HMCN1: variants seen among roughly 807,000 people sequenced by gnomAD.
HMCN1 encodes the protein hemicentin-1.
A neutral mutation model predicts 625.9 loss-of-function variants in HMCN1; 321 were observed. The ratio of observed to expected loss-of-function variants is 0.51; its 90% CI spans 0.47 to 0.56. The LOEUF is 0.56. HMCN1 is among the 20% of genes least tolerant of loss of function. The pLI is 0.00. For missense variants in HMCN1, 6,588 were observed against 6,887.3 expected (o/e 0.96, Z 1.54); for synonymous variants, 2,425 against 2,417.6 (o/e 1.00, Z -0.09).
At chr1:185,877,317 CTTTCTTTTT>C (rs1664008877) in intron 4 of HMCN1, among the ~76,000 whole-genome samples, 3 of 42,720 alleles carry the variant, frequency 7.0e-5, no homozygotes, top group African/African-American at 2.3e-4. Flanking sequence ...ATCTATGTGT[CTTTCTTTTT>C]TTTTTTTTTT....
chr1:185,838,478 A>G (rs2102303799), intron 1 of HMCN1, among the ~76,000 whole-genome samples: 1 of 152,136 alleles, frequency 6.6e-6, no homozygotes, highest in Middle Eastern at 3.4e-3. Flanking sequence ...GTTCCCATAT[A>G]CAGATTCCTA....
intron 2 of HMCN1, among the ~76,000 whole-genome samples, chr1:185,859,097 T>C (rs1233194978): frequency 6.7e-6 from 1 of 149,106 alleles, no homozygotes; most frequent in African/African-American, 2.5e-5. Flanking sequence ...GATATATGTG[T>C]GTGTATATAT....
chr1:186,072,427 T>C (rs1216416298), intron 52 of HMCN1, among the ~76,000 whole-genome samples: 1 of 152,194 alleles, frequency 6.6e-6, no homozygotes, highest in Non-Finnish European at 1.5e-5. Flanking sequence ...GTTGAACATC[T>C]ACTATTTGTC....
At chr1:186,141,859 C>T (rs1308231150) in intron 89 of HMCN1, among the ~76,000 whole-genome samples, 1 of 152,190 alleles carries the variant, frequency 6.6e-6, no homozygotes, top group Non-Finnish European at 1.5e-5. Context: ...GTTATTCAAG[C>T]CCAGAGTGTC....
intron 1 of HMCN1, among the ~76,000 whole-genome samples, chr1:185,789,369 T>C (rs186920568): frequency 4.6e-5 from 7 of 152,218 alleles, no homozygotes; most frequent in African/African-American, 1.7e-4. Context: ...TTCAGGGAGG[T>C]TTAACATGAC....
intron 34 of HMCN1, among the ~76,000 whole-genome samples, chr1:186,019,297 G>A (rs374820959): frequency 6.6e-6 from 1 of 152,032 alleles, no homozygotes; most frequent in Non-Finnish European, 1.5e-5. Flanking sequence ...GTGGATTACG[G>A]TAGCCATAAA....
intron 100 of HMCN1, among the ~76,000 whole-genome samples, chr1:186,170,279 A>AG (rs1652142235): frequency 6.6e-6 from 1 of 152,188 alleles, no homozygotes; most frequent in South Asian, 2.1e-4. Flanking sequence ...AGAGTATTGA[A>AG]GGGAGATACC....
intron 1 of HMCN1, among the ~76,000 whole-genome samples, chr1:185,837,867 G>T (rs183212712): frequency 6.6e-6 from 1 of 152,196 alleles, no homozygotes; most frequent in Admixed American, 6.5e-5. Context: ...CAGGAAACAG[G>T]AATTGTGTAA....
At chr1:185,807,688 C>T (rs1455475319) in intron 1 of HMCN1, among the ~76,000 whole-genome samples, 5 of 152,054 alleles carry the variant, frequency 3.3e-5, no homozygotes. Flanking sequence ...GAGAATAAGC[C>T]TTGCATTCTT....
intron 22 of HMCN1, among the ~76,000 whole-genome samples, chr1:185,992,497 A>G (rs75870772): frequency 0.012 from 1,840 of 152,246 alleles, 38 homozygotes; most frequent in African/African-American, 0.037. Flanking sequence ...GCCCGACATC[A>G]CTTTGAATAG....
At position 186,037,976 on chromosome 1, in the gene HMCN1, C is replaced by T; in HGVS notation, c.5792C>T (p.Thr1931Ile). 1 of 1,613,332 alleles carries T rather than the reference C, an allele frequency of 6.2e-7. No individual in the cohort carries two copies. Among genetic ancestry groups the T allele is most frequent in the Non-Finnish European group, 8.5e-7 (1 of 1,179,440 alleles). The change falls in exon 37 of 107, where the codon ACT (threonine) becomes ATT (isoleucine). Residue 1931 changes from threonine to isoleucine, a missense_variant. Physicochemically the swap from Thr to Ile is moderately conservative, Grantham distance 89. This residue lies in a region of HMCN1 where 4,628 missense variants were observed against 4,853.1 expected (regional missense o/e 0.95). Coordinates refer to ENST00000271588, the MANE Select transcript of HMCN1 (RefSeq NM_031935.3). ...LEDAGKMLNETVLVSNPVQLE... is the reference protein window; with the variant it reads ...LEDAGKMLNEIVLVSNPVQLE... The stretch of plus-strand genomic sequence containing the variant: ...GATGCTGGAAAAATGCTGAATGAGA[C>T]TGTGTTGGTGAGCAACCCTGTACAG...
chr1:185,822,911 A>T (rs1660280896), intron 1 of HMCN1, among the ~76,000 whole-genome samples: 1 of 152,114 alleles, frequency 6.6e-6, no homozygotes, highest in African/African-American at 2.4e-5. Flanking sequence ...TAGAAACTAT[A>T]TAAAATATAA....
In HMCN1 at chr1:186,067,842, A is replaced by G. The variant is rs201878929; in HGVS notation, c.7714A>G (p.Thr2572Ala). 8.1e-5 allele frequency: 130 copies of G among 1,608,372 alleles called. 1 individual carries two copies. The Middle Eastern group carries it at 9.9e-4, about 12-fold the overall frequency. Residue 2572 changes from threonine (T) to alanine (A), a missense_variant, in exon 50 of 107, where the codon ACA becomes GCA. Coordinates refer to ENST00000271588, the MANE Select transcript of HMCN1 (RefSeq NM_031935.3). ...ATTTTCATCTTTTTCAGTATCTCCT[A>G]CAATTGCTGGTGTAGGTAGTGATGG... ...SFSLNVFVSP[T>A]IAGVGSDGNP...
chr1:185,778,345 A>G (rs922988), intron 1 of HMCN1, among the ~76,000 whole-genome samples: 2 of 139,496 alleles, frequency 1.4e-5, no homozygotes, highest in Admixed American at 1.4e-4. Context: ...TTTCTCTTTC[A>G]TTTTTTTTTT....
chr1:186,087,206 T>C lies in HMCN1; in HGVS notation c.9047-11T>C. On this transcript the variant is annotated splice_polypyrimidine_tract_variant and intron_variant, in intron 58 of 106. Transcript: ENST00000271588. ...ATACCACTCTACAATTTGCATTCTA[T>C]TTACCTACAGGTGGTCGAACTCTAC... 6.4e-7 allele frequency: 1 copy of C among 1,562,962 alleles called. No homozygotes were observed. Among genetic ancestry groups the C allele is most frequent in the African/African-American group, 1.4e-5 (1 of 73,882 alleles).
In HMCN1 at chr1:186,141,185, C is replaced by T. The variant is rs567466844; in HGVS notation, c.13925-2988C>T. The stretch of plus-strand genomic sequence containing the variant: ...GAATCTAATGCCACTGCTGATCTGA[C>T]AGGAGACGGAGTTCGTGGTAATGTT... On this transcript the variant is annotated intron_variant, in intron 89 of 106. Coordinates refer to ENST00000271588, the MANE Select transcript of HMCN1 (RefSeq NM_031935.3). Among the ~76,000 whole-genome samples, 4 of 152,266 alleles carry T rather than the reference C, an allele frequency of 2.6e-5. No individual in the cohort carries two copies. In the South Asian group the frequency reaches 6.2e-4, roughly 24 times the overall value.
In HMCN1 at chr1:185,977,953, A is replaced by G. The variant is rs761562885; in HGVS notation, c.2538A>G (p.Gln846=). The G allele has an allele frequency of 2.5e-6, 4 of 1,613,044 alleles. No individual in the cohort carries two copies. Among genetic ancestry groups the G allele is most frequent in the African/African-American group, 2.7e-5 (2 of 74,988 alleles). Reference sequence around the variant, plus strand: ...CTTTTTCAGTTAGTTCCATCAGCCAACTAAGAACAGGAGCTCTCTTTATTT... The same window carrying G: ...CTTTTTCAGTTAGTTCCATCAGCCAGCTAAGAACAGGAGCTCTCTTTATTT... ...SRPFSVSSIS[Q]LRTGALFILN... Residue 846 remains glutamine, a synonymous_variant, in exon 16 of 107, where the codon CAA becomes CAG. Transcript: ENST00000271588.
At position 186,068,098 on chromosome 1, in the gene HMCN1, C is replaced by T. The variant is rs1658243114; in HGVS notation, c.7879+91C>T. 6.6e-6 allele frequency: 8 copies of T among 1,211,010 alleles called. No homozygotes were observed. In the East Asian group the frequency reaches 1.9e-4, roughly 29 times the overall value. The allele number at this position is 1,211,010 out of a possible 1,614,324, so 75.0% of individuals were successfully genotyped here. A position where few individuals can be genotyped will look rare whatever the true frequency, so the allele number is the denominator to read the frequency against. The stretch of plus-strand genomic sequence containing the variant: ...CATTGGTTACTTTTTATAAAAACAC[C>T]AATGTTTTGTTGGTTGTGTTATGTT... On this transcript the variant is annotated intron_variant, in intron 50 of 106. Coordinates refer to ENST00000271588, the MANE Select transcript of HMCN1 (RefSeq NM_031935.3).
intron 8 of HMCN1, 95 bp from the exon 9 acceptor site, chr1:185,924,948 TTAAG>T: frequency 9.7e-7 from 1 of 1,035,366 alleles, no homozygotes; most frequent in Non-Finnish European, 1.5e-6. Context: ...CTGGAATAAT[TTAAG>T]TATAAAGATT....
Sources: allele counts gnomAD v4.1 joint callset (sites outside exome capture counted in the v4.1 genomes callset), GRCh38; gene constraint gnomAD v4.1.1; regional missense constraint gnomAD v4.1.1; transcripts MANE v1.5; gene names NCBI Gene and HGNC (gene_info 2026-07-23, HGNC 2026-07-21).